TMEM43: variants seen among roughly 807,000 people sequenced by gnomAD.
TMEM43 encodes transmembrane protein 43.
TMEM43 carries 45 observed loss-of-function variants against 49.6 expected under a neutral mutation model. The ratio of observed to expected loss-of-function variants is 0.91; its 90% CI spans 0.71 to 1.16. TMEM43 has a LOEUF of 1.16. Ranked by LOEUF, TMEM43 falls within the 50% of genes most tolerant of loss-of-function variation. The pLI is 0.00. For missense variants in TMEM43, 532 were observed against 516.6 expected (o/e 1.03, Z -0.29); for synonymous variants, 199 against 207.8 (o/e 0.96, Z 0.36).
rs754536393 is a variant in TMEM43, at chr3:14,129,490, G to A, written c.91G>A (p.Glu31Lys). ...GCCAGGCTTCCTGGAACGGCTGAGCGAGACCTCGGGTGGGATGTTTGTGGG... is the reference window on the plus strand; with the variant it reads ...GCCAGGCTTCCTGGAACGGCTGAGCAAGACCTCGGGTGGGATGTTTGTGGG... Reference protein sequence around the residue: ...SQPGFLERLSETSGGMFVGLM... With the variant: ...SQPGFLERLSKTSGGMFVGLM... The change falls in exon 2 of 12, where the codon GAG (glutamate) becomes AAG (lysine). Residue 31 changes from glutamate (E) to lysine (K), a missense_variant. Transcript: ENST00000306077. The A allele has an allele frequency of 6.9e-5, 112 of 1,613,994 alleles. No homozygotes were observed. The highest frequency in any genetic ancestry group is 2.4e-4 in the African/African-American group (18 of 74,900).
chr3:14,129,498 G>A lies in TMEM43; in HGVS notation c.99G>A (p.Ser33=), dbSNP rs147710692. Residue 33 remains serine (S), a synonymous_variant, in exon 2 of 12, where the codon TCG becomes TCA. Transcript: ENST00000306077. ...PGFLERLSET[S]GGMFVGLMAF... is the part of the protein sequence containing the mutation. ...TCCTGGAACGGCTGAGCGAGACCTC[G>A]GGTGGGATGTTTGTGGGGCTCATGG... The A allele has an allele frequency of 8.1e-6, 13 of 1,613,894 alleles. No individual in the cohort carries two copies. Among genetic ancestry groups the A allele is most frequent in the Admixed American group, 1.7e-5 (1 of 59,990 alleles).
At position 14,132,614 on chromosome 3, in the gene TMEM43, A is replaced by C; in HGVS notation, c.442+19A>C. 2 of 1,613,750 alleles carry C rather than the reference A, an allele frequency of 1.2e-6. No homozygotes were observed. Among genetic ancestry groups the C allele is most frequent in the Non-Finnish European group, 1.7e-6 (2 of 1,179,768 alleles). On this transcript the variant is annotated intron_variant, in intron 5 of 11. Transcript: ENST00000306077. ...TCCTACAGTGAGTGCTGGGCCCCTT[A>C]CGTGGTCTCTGCCCATGGTGGGGGC...
At position 14,134,801 on chromosome 3, in the gene TMEM43, C is replaced by G. The variant is rs761287242; in HGVS notation, c.615C>G (p.Ser205=). The change falls in exon 8 of 12, where the codon TCC becomes TCG. Residue 205 remains serine (S), a synonymous_variant. Coordinates refer to ENST00000306077, the MANE Select transcript of TMEM43 (RefSeq NM_024334.3). ...GLIDKVDNFK[S]LSLSKLEDPH... ...TCGACAAAGTCGACAACTTCAAGTC[C>G]CTGAGCCTATCCAAGCTGGAGGACC... is the stretch of plus-strand genomic sequence containing the variant. 1.9e-6 allele frequency: 3 copies of G among 1,614,170 alleles called. No individual in the cohort carries two copies. The highest frequency in any genetic ancestry group is 2.5e-6 in the Non-Finnish European group (3 of 1,180,020).
intron 9 of TMEM43, 28 bp from the exon 10 acceptor site, chr3:14,135,779 C>G: frequency 6.2e-7 from 1 of 1,601,648 alleles, no homozygotes; most frequent in Non-Finnish European, 8.5e-7. Context: ...GGTCACCCCT[C>G]AGCTCTAACA....
chr3:14,125,095 A>C lies in TMEM43; in HGVS notation c.-99A>C. 6.6e-7 allele frequency: 1 copy of C among 1,521,794 alleles called. No homozygotes were observed. The allele number at this position is 1,521,794 out of a possible 1,614,324, so 94.3% of individuals were successfully genotyped here. The stretch of plus-strand genomic sequence containing the variant: ...CCCTGGAGTCCACGCGGATTTTCGA[A>C]GCTGGGGCTGGCAAGAGGCCGCTGG... On this transcript the variant is annotated 5_prime_UTR_variant, in exon 1 of 12. Transcript: ENST00000306077.
At chr3:14,134,653 TG>T in intron 7 of TMEM43, 116 bp from the exon 8 acceptor site, 1 of 1,345,066 alleles carries the variant, frequency 7.4e-7, no homozygotes, top group Non-Finnish European at 1.1e-6. Context: ...GCACTGCAGG[TG>T]GGAGTGCCAC....
At chr3:14,135,354 G>GCA in intron 9 of TMEM43, 122 bp downstream of exon 9, 2 of 818,976 alleles carry the variant, frequency 2.4e-6, no homozygotes, top group Non-Finnish European at 4.1e-6. Flanking sequence ...GCACACTCTC[G>GCA]CACACACTCT....
At chr3:14,132,690 T>G in intron 5 of TMEM43, 95 bp downstream of exon 5, 2 of 1,481,968 alleles carry the variant, frequency 1.3e-6, no homozygotes, top group South Asian at 2.3e-5. Flanking sequence ...TGGGAAGGAT[T>G]CAGCACCAGG....
rs746029667 is a variant in TMEM43 at position 14,139,195 on chromosome 3, G to T, written c.898G>T (p.Glu300Ter). ...TGTCCTGCAGGAGGTGTTTCATAGAGAACTAAGGAGCAACTCCATGAAGAC... is the reference window on the plus strand; with the variant it reads ...TGTCCTGCAGGAGGTGTTTCATAGATAACTAAGGAGCAACTCCATGAAGAC... ...DFSAEEVFHR[E>*]LRSNSMKTWG... Residue 300 changes from glutamate (E) to a stop codon, truncating the protein, a stop_gained, in exon 11 of 12, where the codon GAA becomes TAA. Coordinates refer to ENST00000306077, the MANE Select transcript of TMEM43 (RefSeq NM_024334.3). LOFTEE classifies it high-confidence loss of function. 4 of 1,614,034 alleles carry T rather than the reference G, an allele frequency of 2.5e-6. No homozygotes were observed. Among genetic ancestry groups the T allele is most frequent in the Non-Finnish European group, 3.4e-6 (4 of 1,179,904 alleles).
rs1045402860 is a variant in TMEM43, at chr3:14,142,030, T to C, written c.*235T>C. The C allele has an allele frequency of 1.5e-4, 87 of 574,124 alleles. No homozygotes were observed. Among genetic ancestry groups the C allele is most frequent in the Non-Finnish European group, 2.5e-4 (80 of 321,054 alleles). 35.6% of individuals were successfully genotyped at this position (574,124 alleles called of 1,614,324 possible). ...AGCTTTGGTGGGCAGCAGCAGCTCA[T>C]GAATGGCAAGCTGACAGCTTCTCCT... On this transcript the variant is annotated 3_prime_UTR_variant, in exon 12 of 12. Coordinates refer to ENST00000306077, the MANE Select transcript of TMEM43 (RefSeq NM_024334.3).
chr3:14,130,868 T>G lies in TMEM43; in HGVS notation c.209T>G (p.Leu70Arg), dbSNP rs1695084924. 1 of 1,613,754 alleles carries G rather than the reference T, an allele frequency of 6.2e-7. No homozygotes were observed. The highest frequency in any genetic ancestry group is 8.5e-7 in the Non-Finnish European group (1 of 1,179,894). Residue 70 changes from leucine to arginine, a missense_variant, in exon 3 of 12, where the codon CTT becomes CGT. Transcript: ENST00000306077. Reference sequence around the variant, plus strand: ...ACCTCATTGGCTGAGGGGCTCTCGCTTGTGGTGTCTCCCGACAGCATCCAC... The same window carrying G: ...ACCTCATTGGCTGAGGGGCTCTCGCGTGTGGTGTCTCCCGACAGCATCCAC... ...TATSLAEGLS[L>R]VVSPDSIHSV...
chr3:14,125,963 C>T (rs1695014655), intron 1 of TMEM43, among the ~76,000 whole-genome samples: 1 of 152,182 alleles, frequency 6.6e-6, no homozygotes, highest in Non-Finnish European at 1.5e-5. Flanking sequence ...TGACTCACCT[C>T]TCCCCTCCTC....
At chr3:14,139,149 C>T in intron 10 of TMEM43, 31 bp from the exon 11 acceptor site, 1 of 1,534,552 alleles carries the variant, frequency 6.5e-7, no homozygotes, top group Non-Finnish European at 9.0e-7. Flanking sequence ...TGGCCCTCAG[C>T]ATCCTGACCT....
rs1242822289 is a variant in TMEM43, at chr3:14,134,833, T to G, written c.647T>G (p.Val216Gly). ...CTATCCAAGCTGGAGGACCCTCATG[T>G]GGACATCATTCGCCGTGGAGACTTT... Reference protein sequence around the residue: ...LSLSKLEDPHVDIIRRGDFFY... With the variant: ...LSLSKLEDPHGDIIRRGDFFY... The change falls in exon 8 of 12, where the codon GTG becomes GGG. Residue 216 changes from valine to glycine, a missense_variant. Physicochemically the swap from Val to Gly is moderately radical, Grantham distance 109 (BLOSUM62 -3). Transcript: ENST00000306077. 1 of 1,614,192 alleles carries G rather than the reference T, an allele frequency of 6.2e-7. No homozygotes were observed. Among genetic ancestry groups the G allele is most frequent in the East Asian group, 2.2e-5 (1 of 44,876 alleles).
chr3:14,128,976 A>G (rs751709506), intron 1 of TMEM43: 2 of 456,588 alleles, frequency 4.4e-6, no homozygotes, highest in South Asian at 3.1e-5. Context: ...AAACACCACA[A>G]CATGAATGAA....
At chr3:14,132,489 A>G in intron 4 of TMEM43, 57 bp from the exon 5 acceptor site, 10 of 1,601,418 alleles carry the variant, frequency 6.2e-6, no homozygotes, top group Non-Finnish European at 8.6e-6. Flanking sequence ...ATGCTTAGAG[A>G]TTAGACTGCC....
chr3:14,138,646 G>A (rs1695206769), intron 10 of TMEM43, among the ~76,000 whole-genome samples: 1 of 152,170 alleles, frequency 6.6e-6, no homozygotes, highest in Non-Finnish European at 1.5e-5. Context: ...CTTTAAATTG[G>A]AGGGTCACGG....
intron 1 of TMEM43, chr3:14,128,772 A>G: frequency 7.1e-6 from 2 of 279,962 alleles, no homozygotes; most frequent in Middle Eastern, 4.2e-4. Context: ...TTGTACTCCT[A>G]GGTATATTCC....
chr3:14,137,790 A>G (rs1345772175), intron 10 of TMEM43: 1 of 152,230 alleles, frequency 6.6e-6, no homozygotes, highest in African/African-American at 2.4e-5. Context: ...CATCATCCCT[A>G]ACTGGTTTGG....
Sources: gnomAD v4.1 joint callset for allele counts (sites outside exome capture counted in the v4.1 genomes callset) on GRCh38, gnomAD v4.1.1 for gene constraint, MANE v1.5 for transcripts, NCBI Gene and HGNC (gene_info 2026-07-23, HGNC 2026-07-21) for gene names.